The following LAT2 variants were observed in gnomAD, a reference collection of about 807,000 sequenced individuals.
LAT2 encodes linker for activation of T-cells family member 2.
A neutral mutation model predicts 43.4 loss-of-function variants in LAT2; 23 were observed. The ratio of observed to expected loss-of-function variants is 0.53; its 90% confidence interval spans 0.38 to 0.75. The LOEUF (loss-of-function observed/expected upper bound fraction) is 0.75. Ranked by LOEUF, LAT2 falls within the 30% of genes least tolerant of loss-of-function variation. The probability of loss-of-function intolerance (pLI) is 0.00; values close to 1 mark genes in which losing one functional copy is unlikely to be tolerated. For missense variants in LAT2, 284 were observed against 310.2 expected, an observed-to-expected ratio of 0.92 and a Z score of 0.64; for synonymous variants, 128 against 123.2, an observed-to-expected ratio of 1.04 and a Z score of -0.26.
chr7:74,227,914 G>A (rs988466211), intron 13 of LAT2, among the ~76,000 whole-genome samples: 11 of 151,838 alleles, frequency 7.2e-5, no homozygotes, highest in African/African-American at 2.4e-4. Flanking sequence ...AGTGGCTCAC[G>A]CCTGTAATCC....
intron 4 of LAT2, among the ~76,000 whole-genome samples, chr7:74,217,794 T>C (rs919392395): frequency 5.9e-5 from 9 of 152,176 alleles, no homozygotes; most frequent in Non-Finnish European, 1.2e-4. Context: ...CCAGGAAACC[T>C]TGGAGGTCCA....
chr7:74,212,579 T>A (rs956377970), intron 1 of LAT2, among the ~76,000 whole-genome samples: 2 of 152,294 alleles, frequency 1.3e-5, no homozygotes. Flanking sequence ...CAGCCCGACC[T>A]CATTTTATAG....
At chr7:74,224,832 C>A (rs917278063) in intron 13 of LAT2, 72 bp downstream of exon 13, 1 of 1,142,096 alleles carries the variant, frequency 8.8e-7, no homozygotes, top group Non-Finnish European at 1.2e-6. Flanking sequence ...ACCCCCAATC[C>A]AAGGGAACAG....
At chr7:74,213,703 G>C (rs545786422) in intron 1 of LAT2, among the ~76,000 whole-genome samples, 5 of 152,104 alleles carry the variant, frequency 3.3e-5, no homozygotes, top group African/African-American at 4.8e-5. Flanking sequence ...GATTACAGGC[G>C]TGAGCCACCA....
intron 1 of LAT2, among the ~76,000 whole-genome samples, chr7:74,214,227 AAAATATATATGAAAATATATATAT>A (rs1801873683): frequency 1.0e-5 from 1 of 97,120 alleles, no homozygotes; most frequent in African/African-American, 4.5e-5. Context: ...TATATATATG[AAAATATATATGAAAATATATATAT>A]AAATATATAT....
At chr7:74,214,361 A>ATATATATATATGAACATATATATAT (rs1801896735) in intron 1 of LAT2, among the ~76,000 whole-genome samples, 1 of 43,938 alleles carries the variant, frequency 2.3e-5, no homozygotes, top group Non-Finnish European at 4.0e-5. Context: ...TATATATATA[A>ATATATATATATGAACATATATATAT]ATATATATAT....
At position 74,214,791 on chromosome 7, in the gene LAT2, A is replaced by ATTT. The variant is rs59726565; in HGVS notation, c.-218-18_-218-16dup. Reference sequence around the variant, plus strand: ...TATATATATAAATATATATATATATATTTTTTTTTTTTTTTGTATTTTTTT... The same window carrying ATTT: ...TATATATATAAATATATATATATATATTTTTTTTTTTTTTTTTTGTATTTTTTT... On this transcript the variant is annotated intron_variant, in intron 1 of 13. Transcript: ENST00000460943. 28 of 79,348 alleles carry ATTT rather than the reference A, an allele frequency of 3.5e-4. No individual in the cohort carries two copies. The East Asian group carries it at 4.7e-3, about 13-fold the overall frequency. The allele number at this position is 79,348 out of a possible 1,614,324, so 4.9% of individuals were successfully genotyped here.
intron 1 of LAT2, among the ~76,000 whole-genome samples, chr7:74,212,223 G>A (rs565672585): frequency 3.9e-5 from 6 of 152,032 alleles, no homozygotes; most frequent in South Asian, 4.2e-4. Context: ...GATTACAGGC[G>A]TCAGCCACCA....
chr7:74,220,274 G>T lies in LAT2; in HGVS notation c.265+20G>T, dbSNP rs781976553. 3.1e-6 allele frequency: 5 copies of T among 1,608,550 alleles called. No individual in the cohort carries two copies. Among genetic ancestry groups the T allele is most frequent in the Middle Eastern group, 3.3e-4 (2 of 6,054 alleles). ...TGGAGGGTGAGTGGCACAGGGCAGG[G>T]ACAGGGACAGGCCTAGCCAAGCTGG... On this transcript the variant is annotated intron_variant, in intron 7 of 13. Coordinates refer to ENST00000460943, the MANE Select transcript of LAT2 (RefSeq NM_032464.3). The surrounding 1 kb of genome is among the most constrained non-coding windows in gnomAD (Gnocchi z 4.5).
intron 13 of LAT2, among the ~76,000 whole-genome samples, chr7:74,227,381 G>GCCTAATCTCT (rs1554716268): frequency 6.6e-6 from 1 of 151,982 alleles, no homozygotes; most frequent in African/African-American, 2.4e-5. Flanking sequence ...CACAACACCT[G>GCCTAATCTCT]GCTAATTTTT....
rs181604747 is a variant in LAT2, at chr7:74,213,831, G to A, written c.-218-991G>A. On this transcript the variant is annotated intron_variant, in intron 1 of 13. Transcript: ENST00000460943. ...GTGGCCAGGGTGGGAAGAACACGGC[G>A]GGTGGGGGAGAGTGGACACTCGGGA... 9.2e-4 allele frequency among the ~76,000 whole-genome samples: 139 copies of A among 151,790 alleles called. 1 individual carries two copies. The highest frequency in any genetic ancestry group is 3.2e-3 in the African/African-American group (134 of 41,422).
At chr7:74,219,082 T>C (rs370169466) in intron 4 of LAT2, among the ~76,000 whole-genome samples, 3 of 124,338 alleles carry the variant, frequency 2.4e-5, no homozygotes, top group African/African-American at 9.1e-5. Flanking sequence ...CAGGCCAGAC[T>C]GCGGACTGCA....
rs1802246175 is a variant in LAT2 at position 74,220,859 on chromosome 7, C to A, written c.332+125C>A. 1.3e-6 allele frequency: 1 copy of A among 790,578 alleles called. No individual in the cohort carries two copies. The highest frequency in any genetic ancestry group is 2.0e-6 in the Non-Finnish European group (1 of 508,206). 49.0% of individuals were successfully genotyped at this position (790,578 alleles called of 1,614,324 possible). On this transcript the variant is annotated intron_variant, in intron 9 of 13. Coordinates refer to ENST00000460943, the MANE Select transcript of LAT2 (RefSeq NM_032464.3). This position sits in a 1 kb window ranked among gnomAD's most constrained non-coding sequence, Gnocchi z 4.5. ...CCTGGGCTTCCTGGTCCAGGAACCA[C>A]CTCTTGCACTAGAACGAGGCATCCA...
intron 4 of LAT2, 23 bp downstream of exon 4, chr7:74,216,887 G>T (rs1554714371): frequency 6.2e-7 from 1 of 1,609,784 alleles, no homozygotes; most frequent in Admixed American, 1.7e-5. Flanking sequence ...GATGTCCCTA[G>T]CCTGGTGTAT....
chr7:74,217,361 G>T (rs1373683311), intron 4 of LAT2, among the ~76,000 whole-genome samples: 1 of 152,040 alleles, frequency 6.6e-6, no homozygotes, highest in Non-Finnish European at 1.5e-5. Context: ...AACCCAGGAG[G>T]TGGAGGTTGC....
intron 13 of LAT2, among the ~76,000 whole-genome samples, chr7:74,228,123 C>G (rs111719070): frequency 0.029 from 3,595 of 125,370 alleles, 161 homozygotes; most frequent in African/African-American, 0.1. Context: ...TTGCAGTGAG[C>G]TAAGATCGCA....
In LAT2 at chr7:74,229,432, C is replaced by T. The variant is rs1012642181; in HGVS notation, c.*507C>T. 1 of 152,656 alleles carries T rather than the reference C, an allele frequency of 6.6e-6. No homozygotes were observed. The highest frequency in any genetic ancestry group is 1.5e-5 in the Non-Finnish European group (1 of 68,050). 9.5% of individuals were successfully genotyped at this position (152,656 alleles called of 1,614,324 possible). ...AGAGTAGAGATTTCTGTGTTGTCTC[C>T]TAGAAAGCATTACATGTAGTTTATT... On this transcript the variant is annotated 3_prime_UTR_variant, in exon 14 of 14. Transcript: ENST00000460943.
intron 4 of LAT2, 119 bp from the exon 5 acceptor site, chr7:74,219,625 T>C (rs1802186761): frequency 3.3e-6 from 4 of 1,201,190 alleles, no homozygotes; most frequent in Non-Finnish European, 4.9e-6. Flanking sequence ...CTCCCCACTG[T>C]CGCCCCAGTC....
chr7:74,222,273 T>C (rs1584224026), intron 10 of LAT2, among the ~76,000 whole-genome samples: 1 of 146,458 alleles, frequency 6.8e-6, no homozygotes, highest in African/African-American at 2.5e-5. Flanking sequence ...TGGTGGCACA[T>C]GCCTGTAATC....
Sources: gnomAD v4.1 joint callset for allele counts (sites outside exome capture counted in the v4.1 genomes callset) on GRCh38, gnomAD v4.1.1 for gene constraint, Gnocchi (gnomAD v3.1) non-coding constraint, MANE v1.5 for transcripts, NCBI Gene and HGNC (gene_info 2026-07-23, HGNC 2026-07-21) for gene names.